NR2C2: variants seen among roughly 807,000 people sequenced by gnomAD.
NR2C2 encodes Nuclear hormone receptor TR4.
A neutral mutation model predicts 62.9 loss-of-function variants in NR2C2; 6 were observed. The ratio of observed to expected loss-of-function variants is 0.10; its 90% confidence interval spans 0.05 to 0.19. The LOEUF (loss-of-function observed/expected upper bound fraction) is 0.19, where lower values mean the gene tolerates loss of function less well. Ranked by LOEUF, NR2C2 falls within the 10% of genes least tolerant of loss-of-function variation. The probability of loss-of-function intolerance (pLI) is 1.00; values close to 1 mark genes in which losing one functional copy is unlikely to be tolerated. For missense variants in NR2C2, 479 were observed against 762.7 expected, an observed-to-expected ratio of 0.63 and a Z score of 4.38; for synonymous variants, 272 against 273.8, an observed-to-expected ratio of 0.99 and a Z score of 0.07.
chr3:15,030,976 T>C (rs2041964641), intron 9 of NR2C2, among the ~76,000 whole-genome samples: 1 of 152,226 alleles, frequency 6.6e-6, no homozygotes, highest in Admixed American at 6.5e-5. Flanking sequence ...ACAGTGCCAT[T>C]TGGTTCTGAA....
At chr3:15,028,773 A>C in intron 8 of NR2C2, 54 bp downstream of exon 8, 1 of 1,584,894 alleles carries the variant, frequency 6.3e-7, no homozygotes, top group Non-Finnish European at 8.6e-7. Context: ...CCCTCCCTCT[A>C]TTGTGAGGGT....
intron 1 of NR2C2, among the ~76,000 whole-genome samples, chr3:14,965,281 G>A (rs541961879): frequency 6.6e-6 from 1 of 152,162 alleles, no homozygotes; most frequent in African/African-American, 2.4e-5. Context: ...ACCTGAGGCT[G>A]ATTTGGAAAC....
chr3:14,984,687 C>T (rs2040467636), intron 1 of NR2C2, among the ~76,000 whole-genome samples: 2 of 152,162 alleles, frequency 1.3e-5, no homozygotes, highest in Non-Finnish European at 2.9e-5. Flanking sequence ...ATCCATTCAC[C>T]TGTTGATGGA....
chr3:14,948,661 C>G (rs2039230551), intron 1 of NR2C2: 1 of 153,016 alleles, frequency 6.5e-6, no homozygotes, highest in South Asian at 1.8e-4. Context: ...CTTGGGTCAG[C>G]AGGTGGGCTG....
In NR2C2 at chr3:15,024,479, A is replaced by G. The variant is rs374825136; in HGVS notation, c.798+271A>G. Among the ~76,000 whole-genome samples the G allele has an allele frequency of 7.2e-5, 11 of 152,316 alleles. No individual in the cohort carries two copies. The East Asian group carries it at 1.9e-3, about 27-fold the overall frequency. ...ACATTCAGTGGTTCTCTTTTCTGTTATAGTTTTCTTTTTCTCTTATACACA... is the reference window on the plus strand; with the variant it reads ...ACATTCAGTGGTTCTCTTTTCTGTTGTAGTTTTCTTTTTCTCTTATACACA... On this transcript the variant is annotated intron_variant, in intron 7 of 13. Coordinates refer to ENST00000425241, the MANE Select transcript of NR2C2 (RefSeq NM_001291694.2).
At chr3:15,034,350 T>C (rs6790230) in intron 10 of NR2C2, 72,410 of 208,376 alleles carry the variant, frequency 0.35, 13,483 homozygotes, top group African/African-American at 0.48. Context: ...ATACCATCTC[T>C]TGGGACAGTC....
chr3:15,032,318 C>G, intron 9 of NR2C2, 61 bp from the exon 10 acceptor site: 1 of 1,610,948 alleles, frequency 6.2e-7, no homozygotes, highest in Non-Finnish European at 8.5e-7. Flanking sequence ...TACATGTTGA[C>G]AGACAAAGCC....
chr3:14,992,480 A>G (rs2040699300), intron 1 of NR2C2, among the ~76,000 whole-genome samples: 1 of 152,202 alleles, frequency 6.6e-6, no homozygotes, highest in South Asian at 2.1e-4. Flanking sequence ...CCCCTAAGGT[A>G]TTCATTCCCT....
chr3:15,016,559 C>G (rs1251635081), intron 4 of NR2C2, among the ~76,000 whole-genome samples: 8 of 152,210 alleles, frequency 5.3e-5, no homozygotes, highest in African/African-American at 1.9e-4. Flanking sequence ...TTGTACAGCA[C>G]TTGGCTATTT....
At chr3:14,995,056 C>G (rs1009117740) in intron 1 of NR2C2, among the ~76,000 whole-genome samples, 26 of 141,646 alleles carry the variant, frequency 1.8e-4, no homozygotes, top group African/African-American at 6.9e-4. Flanking sequence ...TCATAGCTCA[C>G]TGCAGCCTTG....
In NR2C2 at chr3:15,048,187, T is replaced by G. The variant is rs1048646122; in HGVS notation, c.*5179T>G. 2 of 152,666 alleles carry G rather than the reference T, an allele frequency of 1.3e-5. No homozygotes were observed. The highest frequency in any genetic ancestry group is 2.4e-5 in the African/African-American group (1 of 41,454). 9.5% of individuals were successfully genotyped at this position (152,666 alleles called of 1,614,324 possible). ...GTGCCTTTTGTGAGACAGTGGGTCA[T>G]TTAGCCTTCAGCTTCCCTGTTTTTG... is the stretch of plus-strand genomic sequence containing the variant. On this transcript the variant is annotated 3_prime_UTR_variant, in exon 14 of 14. Transcript: ENST00000425241.
At chr3:14,957,867 CTG>C (rs2039572688) in intron 1 of NR2C2, among the ~76,000 whole-genome samples, 1 of 152,024 alleles carries the variant, frequency 6.6e-6, no homozygotes, top group African/African-American at 2.4e-5. Flanking sequence ...TGATAATTCT[CTG>C]TTGTCTACAG....
At chr3:14,959,957 C>T (rs1009464375) in intron 1 of NR2C2, among the ~76,000 whole-genome samples, 1 of 152,072 alleles carries the variant, frequency 6.6e-6, no homozygotes, top group African/African-American at 2.4e-5. Context: ...ATCCATTTTC[C>T]AGAACTATTT....
intron 8 of NR2C2, 63 bp downstream of exon 8, chr3:15,028,782 G>A (rs2041892261): frequency 6.4e-7 from 1 of 1,557,950 alleles, no homozygotes; most frequent in South Asian, 1.1e-5. Context: ...TATTGTGAGG[G>A]TGGAAAACAG....
intron 3 of NR2C2, among the ~76,000 whole-genome samples, chr3:15,015,076 C>G (rs2041470859): frequency 6.6e-6 from 1 of 152,172 alleles, no homozygotes; most frequent in Non-Finnish European, 1.5e-5. Flanking sequence ...GCTGTCTCAT[C>G]CTTCCTTTCC....
intron 1 of NR2C2, among the ~76,000 whole-genome samples, chr3:14,978,326 T>TA (rs1186376333): frequency 1.3e-5 from 2 of 152,170 alleles, no homozygotes; most frequent in African/African-American, 2.4e-5. Flanking sequence ...TCAGAACACT[T>TA]ATATTAGCCT....
intron 1 of NR2C2, among the ~76,000 whole-genome samples, chr3:14,965,315 G>A (rs753592672): frequency 1.6e-4 from 24 of 152,080 alleles, no homozygotes; most frequent in Non-Finnish European, 3.4e-4. Flanking sequence ...GCTGCCCTAA[G>A]AGGCCATCAT....
chr3:14,991,697 A>G (rs1280468593), intron 1 of NR2C2, among the ~76,000 whole-genome samples: 1 of 151,538 alleles, frequency 6.6e-6, no homozygotes, highest in Non-Finnish European at 1.5e-5. Context: ...TTAATATTGC[A>G]CATTTAATTC....
chr3:15,015,830 C>G (rs1309700843), intron 3 of NR2C2, among the ~76,000 whole-genome samples: 1 of 152,202 alleles, frequency 6.6e-6, no homozygotes, highest in African/African-American at 2.4e-5. Flanking sequence ...GAGATGGGGT[C>G]TCACTCTGTC....
Sources: allele counts gnomAD v4.1 joint callset (sites outside exome capture counted in the v4.1 genomes callset), GRCh38; gene constraint gnomAD v4.1.1; transcripts MANE v1.5; gene names NCBI Gene and HGNC (gene_info 2026-07-23, HGNC 2026-07-21).